Variants in MTMR12 observed in about 807,000 individuals in gnomAD.
MTMR12 encodes the protein myotubularin related protein 12.
Under a neutral mutation model 96.7 loss-of-function variants are expected in MTMR12, and 33 were observed. The observed-to-expected ratio is 0.34, with a 90% confidence interval of 0.26 to 0.46. The LOEUF is 0.46. MTMR12 is among the 20% of genes least tolerant of loss of function. The pLI, the probability that MTMR12 is intolerant of heterozygous loss-of-function variation, is 1.00. For missense variants in MTMR12, 721 were observed against 896.1 expected (o/e 0.80, Z 2.49); for synonymous variants, 298 against 327.2 (o/e 0.91, Z 0.96).
At chr5:32,257,817 A>C (rs181223108) in intron 7 of MTMR12, among the ~76,000 whole-genome samples, 1 of 152,124 alleles carries the variant, frequency 6.6e-6, no homozygotes, top group Non-Finnish European at 1.5e-5. Context: ...AAAAACTTGG[A>C]CTGGGCATGG....
intron 6 of MTMR12, among the ~76,000 whole-genome samples, 154 bp from the exon 7 acceptor site, chr5:32,263,396 A>C (rs952567874): frequency 6.8e-6 from 1 of 147,052 alleles, no homozygotes; most frequent in African/African-American, 2.5e-5. Flanking sequence ...ACCTTGTTCC[A>C]TTTTTTGTCA....
intron 6 of MTMR12, among the ~76,000 whole-genome samples, chr5:32,264,026 C>T (rs929746943): frequency 3.3e-5 from 5 of 152,118 alleles, no homozygotes; most frequent in Admixed American, 1.3e-4. Context: ...GTGTGACAAC[C>T]GGTTCCTGAA....
At chr5:32,255,891 G>C (rs1749115522) in intron 7 of MTMR12, 123 bp from the exon 8 acceptor site, 1 of 801,002 alleles carries the variant, frequency 1.2e-6, no homozygotes, top group Non-Finnish European at 2.0e-6. Flanking sequence ...ATATTTCCCT[G>C]TTCAGAACCA....
chr5:32,235,208 A>T, intron 13 of MTMR12, 79 bp from the exon 14 acceptor site: 1 of 1,372,020 alleles, frequency 7.3e-7, no homozygotes, highest in Non-Finnish European at 9.9e-7. Flanking sequence ...AGCCACCTCA[A>T]CAGCTGTGGA....
At chr5:32,284,066 C>A (rs1452730576) in intron 1 of MTMR12, among the ~76,000 whole-genome samples, 1 of 152,014 alleles carries the variant, frequency 6.6e-6, no homozygotes, top group Non-Finnish European at 1.5e-5. Context: ...CTGTTGGAGG[C>A]CAAGGTGGAT....
intron 12 of MTMR12, among the ~76,000 whole-genome samples, chr5:32,239,497 G>A (rs1748379375): frequency 6.6e-6 from 1 of 152,188 alleles, no homozygotes; most frequent in Admixed American, 6.5e-5. Flanking sequence ...ACAGAGACAG[G>A]AGAATCACCC....
chr5:32,272,014 G>A lies in MTMR12; in HGVS notation c.286-109C>T, dbSNP rs144654016. 6.7e-3 allele frequency: 4,001 copies of A among 599,836 alleles called. 23 individuals carry two copies. The highest frequency in any genetic ancestry group is 0.018 in the African/African-American group (938 of 51,186). 37.2% of individuals were successfully genotyped at this position (599,836 alleles called of 1,614,324 possible). A position where few individuals can be genotyped will look rare whatever the true frequency, so the allele number is the denominator to read the frequency against. ...TGGATATTAAGAAAAATGGGGGGCCGGGTGCAGTGGCTCACACCTGTAATC... is the reference window on the plus strand; with the variant it reads ...TGGATATTAAGAAAAATGGGGGGCCAGGTGCAGTGGCTCACACCTGTAATC... On this transcript the variant is annotated intron_variant, in intron 3 of 15. Coordinates refer to ENST00000382142, the MANE Select transcript of MTMR12 (RefSeq NM_001040446.3).
chr5:32,312,329 G>A lies in MTMR12; in HGVS notation c.81+429C>T, dbSNP rs546634594. On this transcript the variant is annotated intron_variant, in intron 1 of 15. Transcript: ENST00000382142. The surrounding 1 kb of genome is among the most constrained non-coding windows in gnomAD (Gnocchi z 5.0). ...GAGGCACTCAGACGCAGGCAGCGGA[G>A]GCCGGCGGGCTTCTGGGCTCACTGA... Among the ~76,000 whole-genome samples, 23 of 152,338 alleles carry A rather than the reference G, an allele frequency of 1.5e-4. No individual in the cohort carries two copies. The South Asian group carries it at 3.3e-3, about 22-fold the overall frequency.
intron 10 of MTMR12, 155 bp downstream of exon 10, chr5:32,247,847 T>C: frequency 1.0e-6 from 1 of 971,466 alleles, no homozygotes; most frequent in Non-Finnish European, 1.2e-6. Context: ...GGAAGTGTGG[T>C]AATGGCAGCC....
At chr5:32,247,032 A>G (rs559768419) in intron 10 of MTMR12, among the ~76,000 whole-genome samples, 1 of 152,256 alleles carries the variant, frequency 6.6e-6, no homozygotes, top group Non-Finnish European at 1.5e-5. Context: ...CGAATCCCAA[A>G]ACAGTTAAGA....
rs371287397 is a variant in MTMR12, at chr5:32,246,155, C to T, written c.1021+1847G>A. On this transcript the variant is annotated intron_variant, in intron 10 of 15. Transcript: ENST00000382142. The stretch of plus-strand genomic sequence containing the variant: ...TGATCTGGGCACAATGGTTTCGGTG[C>T]CTATTGAGTAGACAGTTTTTTTTTT... Among the ~76,000 whole-genome samples the T allele has an allele frequency of 1.2e-3, 159 of 138,170 alleles. 5 individuals are homozygous for T. In the South Asian group the frequency reaches 0.037, roughly 32 times the overall value. The allele number at this position is 138,170 out of a possible 152,430, so 90.6% of individuals were successfully genotyped here. A position where few individuals can be genotyped will look rare whatever the true frequency, so the allele number is the denominator to read the frequency against.
Position 32,243,577 on chromosome 5 carries a change from G to A in MTMR12, c.1044C>T (p.Asp348=), listed in dbSNP as rs1204282907. 6.2e-7 allele frequency: 1 copy of A among 1,610,342 alleles called. No individual in the cohort carries two copies. Among genetic ancestry groups the A allele is most frequent in the Admixed American group, 1.7e-5 (1 of 59,918 alleles). Residue 348 remains aspartate, a synonymous_variant, in exon 11 of 16, where the codon GAC becomes GAT. Transcript: ENST00000382142. ...FLIDNSTEFW[D]TDIKWFSLLE... ...ACAGAGAAAACCATTTTATATCTGT[G>A]TCCCAAAATTCAGTACTGTTATCTG...
Position 32,270,818 on chromosome 5 carries a change from C to A in MTMR12, c.488G>T (p.Arg163Met), listed in dbSNP as rs1348912127. 1.2e-6 allele frequency: 2 copies of A among 1,606,998 alleles called. No individual in the cohort carries two copies. The highest frequency in any genetic ancestry group is 3.4e-5 in the Admixed American group (2 of 58,080). Residue 163 changes from arginine (R) to methionine (M), a missense_variant and splice_region_variant, in exon 5 of 16, where the codon AGG becomes ATG. Physicochemically the swap from Arg to Met is moderately conservative, Grantham distance 91. Coordinates refer to ENST00000382142, the MANE Select transcript of MTMR12 (RefSeq NM_001040446.3). Reference sequence around the variant, plus strand: ...CTAAAAACACATGCAACTAGTTACCCTTTTGACTTCCTCTTCCTTTGTGTA... The same window carrying A: ...CTAAAAACACATGCAACTAGTTACCATTTTGACTTCCTCTTCCTTTGTGTA... ...LRYTKEEEVK[R>M]IVSGIIHHTQ...
chr5:32,252,518 T>C (rs1054175007), intron 8 of MTMR12, among the ~76,000 whole-genome samples: 2 of 152,226 alleles, frequency 1.3e-5, no homozygotes, highest in Non-Finnish European at 2.9e-5. Context: ...CTAGAGAAAA[T>C]GTATGTACAT....
intron 15 of MTMR12, among the ~76,000 whole-genome samples, chr5:32,232,207 C>T (rs918594076): frequency 1.1e-4 from 17 of 152,212 alleles, no homozygotes; most frequent in African/African-American, 4.1e-4. Flanking sequence ...GCACCACATG[C>T]TGCTCAGCCC....
rs1209781445 is a variant in MTMR12 at position 32,255,764 on chromosome 5, G to A, written c.718C>T (p.Pro240Ser). 4.3e-6 allele frequency: 7 copies of A among 1,611,040 alleles called. No individual in the cohort carries two copies. Among genetic ancestry groups the A allele is most frequent in the Non-Finnish European group, 5.9e-6 (7 of 1,178,658 alleles). The change falls in exon 8 of 16, where the codon CCA becomes TCA. Residue 240 changes from proline (P) to serine (S), a missense_variant. Coordinates refer to ENST00000382142, the MANE Select transcript of MTMR12 (RefSeq NM_001040446.3). Reference protein sequence around the residue: ...NEGYKVCERLPAYFVVPTPLP... With the variant: ...NEGYKVCERLSAYFVVPTPLP... ...GGGGTGGGGACAACAAAGTATGCTG[G>A]CAATCTAGAAGAAAGAAATGTCATC...
chr5:32,271,988 T>C, intron 3 of MTMR12, 83 bp from the exon 4 acceptor site: 2 of 854,292 alleles, frequency 2.3e-6, no homozygotes, highest in Non-Finnish European at 3.5e-6. Context: ...CATTCTCTAC[T>C]TGGATATTAA....
chr5:32,305,450 G>T (rs962670734), intron 1 of MTMR12, among the ~76,000 whole-genome samples: 1 of 152,130 alleles, frequency 6.6e-6, no homozygotes, highest in Non-Finnish European at 1.5e-5. Flanking sequence ...TATCTTTACC[G>T]CTAGGACTAA....
At chr5:32,281,267 A>C (rs916172301) in intron 1 of MTMR12, among the ~76,000 whole-genome samples, 1 of 150,324 alleles carries the variant, frequency 6.7e-6, no homozygotes, top group African/African-American at 2.4e-5. Flanking sequence ...AAAAAAAACA[A>C]AAAAAACTGT....
Sources: gnomAD v4.1 joint callset for allele counts (sites outside exome capture counted in the v4.1 genomes callset) on GRCh38, gnomAD v4.1.1 for gene constraint, Gnocchi (gnomAD v3.1) non-coding constraint, MANE v1.5 for transcripts, NCBI Gene and HGNC (gene_info 2026-07-23, HGNC 2026-07-21) for gene names.